COL22A1: variants seen among roughly 807,000 people sequenced by gnomAD.
COL22A1 encodes the protein collagen alpha-1(XXII) chain.
Under a neutral mutation model 248.9 loss-of-function variants are expected in COL22A1, and 221 were observed. The observed-to-expected ratio is 0.89, with a 90% CI of 0.80 to 0.99. The LOEUF (loss-of-function observed/expected upper bound fraction) is 0.99. COL22A1 is among the 50% of genes least tolerant of loss of function. COL22A1 has a pLI of 0.00. For synonymous variants in COL22A1, 891 were observed against 793.4 expected, an observed-to-expected ratio of 1.12 and a Z score of -2.07; for missense variants, 2,240 against 2,179.0, an observed-to-expected ratio of 1.03 and a Z score of -0.56.
chr8:138,852,147 G>A (rs887909973), intron 3 of COL22A1, among the ~76,000 whole-genome samples: 10 of 152,160 alleles, frequency 6.6e-5, no homozygotes, highest in Non-Finnish European at 1.0e-4. Context: ...AAGAGCAATG[G>A]TGAGATGAGG....
At chr8:138,709,876 T>C (rs1828806829) in intron 30 of COL22A1, among the ~76,000 whole-genome samples, 1 of 152,198 alleles carries the variant, frequency 6.6e-6, no homozygotes, top group Non-Finnish European at 1.5e-5. Context: ...CTAATGTTGA[T>C]TTGTTACAGC....
intron 51 of COL22A1, among the ~76,000 whole-genome samples, chr8:138,625,860 A>G (rs760232370): frequency 6.6e-5 from 10 of 152,320 alleles, no homozygotes; most frequent in East Asian, 1.9e-4. Context: ...TTATATATAT[A>G]TGTGTGTGTG....
At chr8:138,742,699 G>A (rs933323732) in intron 22 of COL22A1, among the ~76,000 whole-genome samples, 1 of 150,852 alleles carries the variant, frequency 6.6e-6, no homozygotes, top group Non-Finnish European at 1.5e-5. Context: ...TGGAGTTGAT[G>A]GTGATGATGA....
intron 5 of COL22A1, among the ~76,000 whole-genome samples, chr8:138,829,230 C>T (rs1586842180): frequency 1.3e-5 from 2 of 152,284 alleles, no homozygotes; most frequent in South Asian, 4.1e-4. Flanking sequence ...GGGCCCATCA[C>T]TCATAGCACC....
chr8:138,773,802 C>T (rs906702023), intron 16 of COL22A1, among the ~76,000 whole-genome samples: 5 of 152,344 alleles, frequency 3.3e-5, no homozygotes, highest in South Asian at 2.1e-4. Context: ...TGACAGCCAG[C>T]GTGTGACCCC....
At chr8:138,817,337 T>G (rs2131730229) in intron 7 of COL22A1, among the ~76,000 whole-genome samples, 1 of 152,212 alleles carries the variant, frequency 6.6e-6, no homozygotes, top group East Asian at 1.9e-4. Context: ...GGATGTCAAG[T>G]GGTGAGGGAG....
At chr8:138,636,197 G>C (rs1821141496) in intron 48 of COL22A1, among the ~76,000 whole-genome samples, 1 of 152,094 alleles carries the variant, frequency 6.6e-6, no homozygotes, top group Non-Finnish European at 1.5e-5. Flanking sequence ...GTGCTGGATA[G>C]AGGATGATAG....
Position 138,829,699 on chromosome 8 carries a change from C to T in COL22A1, c.846-2918G>A, listed in dbSNP as rs1044938826. 2.6e-5 allele frequency among the ~76,000 whole-genome samples: 4 copies of T among 152,238 alleles called. No individual in the cohort carries two copies. The South Asian group carries it at 8.3e-4, about 32-fold the overall frequency. On this transcript the variant is annotated intron_variant, in intron 5 of 64. Coordinates refer to ENST00000303045, the MANE Select transcript of COL22A1 (RefSeq NM_152888.3). ...AAGTAATCTGCCTGCCTTGGCCTCC[C>T]AAAGTGCTAGGATTACAGACATGAG... is the stretch of plus-strand genomic sequence containing the variant.
At chr8:138,775,044 A>G (rs1379100947) in intron 16 of COL22A1, among the ~76,000 whole-genome samples, 1 of 152,218 alleles carries the variant, frequency 6.6e-6, no homozygotes, top group African/African-American at 2.4e-5. Flanking sequence ...ATATCTTAAA[A>G]TAAATGTAAA....
chr8:138,764,474 C>A (rs751187690), intron 16 of COL22A1, among the ~76,000 whole-genome samples: 2 of 152,242 alleles, frequency 1.3e-5, no homozygotes, highest in Non-Finnish European at 2.9e-5. Context: ...CTCAGGGTCC[C>A]CCCATTCCCC....
chr8:138,910,398 G>A (rs148866430), intron 1 of COL22A1, among the ~76,000 whole-genome samples: 1 of 152,234 alleles, frequency 6.6e-6, no homozygotes, highest in Non-Finnish European at 1.5e-5. Context: ...TGGGAAGAGT[G>A]AAAGGTCAAT....
chr8:138,726,458 T>C (rs531592723), intron 23 of COL22A1, among the ~76,000 whole-genome samples: 9 of 144,460 alleles, frequency 6.2e-5, no homozygotes, highest in Non-Finnish European at 1.3e-4. Context: ...GATTGTGCCA[T>C]TGTACTCTGG....
At chr8:138,842,791 CAAAT>C (rs747837256) in intron 4 of COL22A1, among the ~76,000 whole-genome samples, 7 of 152,198 alleles carry the variant, frequency 4.6e-5, no homozygotes, top group Non-Finnish European at 1.0e-4. Context: ...ATGTATTAGA[CAAAT>C]AAACCCTGAC....
chr8:138,603,765 G>A (rs974413510), intron 59 of COL22A1, among the ~76,000 whole-genome samples: 1 of 152,184 alleles, frequency 6.6e-6, no homozygotes, highest in South Asian at 2.1e-4. Context: ...CGAATATGAA[G>A]CTATCCGACT....
At chr8:138,826,842 T>C in intron 5 of COL22A1, 61 bp from the exon 6 acceptor site, 1 of 1,594,698 alleles carries the variant, frequency 6.3e-7, no homozygotes. Flanking sequence ...GCCAGCAAAG[T>C]GAGCCCACAC....
At position 138,811,830 on chromosome 8, in the gene COL22A1, G is replaced by A. The variant is rs1299123416; in HGVS notation, c.1418C>T (p.Thr473Ile). Residue 473 changes from threonine (T) to isoleucine (I), a missense_variant, in exon 9 of 65, where the codon ACC becomes ATC. By Grantham distance (89) the Thr-to-Ile change is moderately conservative (BLOSUM62 -1). Coordinates refer to ENST00000303045, the MANE Select transcript of COL22A1 (RefSeq NM_152888.3). ...PGSEQIGFLK[T>I]INCSCPAGEK... ...TCCAGCTGGGCAGGAGCAGTTGATG[G>A]TCTTCAAAAACCCAATCTGTTCACT... 5 of 1,471,880 alleles carry A rather than the reference G, an allele frequency of 3.4e-6. No homozygotes were observed. Among genetic ancestry groups the A allele is most frequent in the Admixed American group, 3.7e-5 (2 of 54,610 alleles). 91.2% of individuals were successfully genotyped at this position (1,471,880 alleles called of 1,614,324 possible). A position where few individuals can be genotyped will look rare whatever the true frequency, so the allele number is the denominator to read the frequency against.
intron 21 of COL22A1, among the ~76,000 whole-genome samples, chr8:138,753,167 T>C (rs2131350404): frequency 6.6e-6 from 1 of 152,326 alleles, no homozygotes. Flanking sequence ...CCTATTTCTG[T>C]AGCTCATGCT....
At chr8:138,767,940 A>C (rs1834036092) in intron 16 of COL22A1, among the ~76,000 whole-genome samples, 1 of 152,182 alleles carries the variant, frequency 6.6e-6, no homozygotes. Context: ...TAAACCATTC[A>C]TATAACATGG....
chr8:138,833,003 C>A (rs775709774), intron 5 of COL22A1, 36 bp downstream of exon 5: 1 of 1,410,824 alleles, frequency 7.1e-7, no homozygotes, highest in Non-Finnish European at 1.0e-6. Flanking sequence ...TCCCATGACA[C>A]CCTGGGCAGG....
Sources: allele counts gnomAD v4.1 joint callset (sites outside exome capture counted in the v4.1 genomes callset), GRCh38; gene constraint gnomAD v4.1.1; transcripts MANE v1.5; gene names NCBI Gene and HGNC (gene_info 2026-07-23, HGNC 2026-07-21).